DIP2C: variants seen among roughly 807,000 people sequenced by gnomAD.
DIP2C encodes DIP2 acetate--CoA ligase C (putative), also known as disco-interacting protein 2 homolog C.
Under a neutral mutation model 192.4 loss-of-function variants are expected in DIP2C, and 33 were observed. The ratio of observed to expected loss-of-function variants is 0.17; its 90% confidence interval spans 0.13 to 0.23. DIP2C has a LOEUF of 0.23. DIP2C is among the 10% of genes least tolerant of loss of function. The pLI, the probability that DIP2C is intolerant of heterozygous loss-of-function variation, is 1.00. For missense variants in DIP2C, 1,537 were observed against 2,110.1 expected, an observed-to-expected ratio of 0.73 and a Z score of 5.32; for synonymous variants, 979 against 864.1, an observed-to-expected ratio of 1.13 and a Z score of -2.33.
intron 31 of DIP2C, among the ~76,000 whole-genome samples, chr10:313,981 T>A (rs12268902): frequency 6.6e-6 from 1 of 152,122 alleles, no homozygotes; most frequent in African/African-American, 2.4e-5. Flanking sequence ...TAGAAATGTG[T>A]GAAAGAACGA....
At chr10:600,622 T>C (rs1852006602) in intron 1 of DIP2C, among the ~76,000 whole-genome samples, 1 of 147,166 alleles carries the variant, frequency 6.8e-6, no homozygotes. Flanking sequence ...TTCCGGATGC[T>C]CCTCAATGAC....
At chr10:619,834 G>T (rs540147593) in intron 1 of DIP2C, among the ~76,000 whole-genome samples, 4 of 152,168 alleles carry the variant, frequency 2.6e-5, no homozygotes, top group African/African-American at 9.7e-5. Flanking sequence ...CAGCTCCCGT[G>T]TTGGGAGGCA....
chr10:414,731 G>GTT (rs1469907667), intron 7 of DIP2C, among the ~76,000 whole-genome samples: 1 of 63,824 alleles, frequency 1.6e-5, no homozygotes, highest in Admixed American at 1.8e-4. Flanking sequence ...GTGTGTGTGT[G>GTT]TGTGTGTGTA....
intron 31 of DIP2C, 32 bp from the exon 32 acceptor site, chr10:310,124 T>C: frequency 6.2e-7 from 1 of 1,601,482 alleles, no homozygotes; most frequent in Non-Finnish European, 8.6e-7. Flanking sequence ...TTAACTCAAG[T>C]TTACATGGAG....
rs538249410 is a variant in DIP2C at position 528,228 on chromosome 10, T to C, written c.86-41698A>G. Among the ~76,000 whole-genome samples, 4 of 152,276 alleles carry C rather than the reference T, an allele frequency of 2.6e-5. No individual in the cohort carries two copies. The South Asian group carries it at 8.3e-4, about 32-fold the overall frequency. ...ACCTACCCTAGTCAGGAGCCATTCATGCCTTTCACCAAGACATAAAAACAA... is the reference window on the plus strand; with the variant it reads ...ACCTACCCTAGTCAGGAGCCATTCACGCCTTTCACCAAGACATAAAAACAA... On this transcript the variant is annotated intron_variant, in intron 1 of 36. Transcript: ENST00000280886.
At chr10:635,760 C>A (rs1854793050) in intron 1 of DIP2C, among the ~76,000 whole-genome samples, 1 of 152,212 alleles carries the variant, frequency 6.6e-6, no homozygotes. Flanking sequence ...GACCTCGAGG[C>A]CCTGCAGTCA....
At chr10:337,202 CTGTG>C in intron 29 of DIP2C, among the ~76,000 whole-genome samples, 1 of 63,414 alleles carries the variant, frequency 1.6e-5, no homozygotes, top group African/African-American at 6.0e-5. Context: ...AGGCAGCTGT[CTGTG>C]TGTGCAAGTG....
At chr10:488,714 C>T (rs1844200051) in intron 1 of DIP2C, among the ~76,000 whole-genome samples, 1 of 152,234 alleles carries the variant, frequency 6.6e-6, no homozygotes, top group South Asian at 2.1e-4. Flanking sequence ...TGGATGACGC[C>T]TCTGGGTACC....
intron 1 of DIP2C, among the ~76,000 whole-genome samples, chr10:496,216 C>A (rs1844821780): frequency 6.9e-6 from 1 of 145,154 alleles, no homozygotes; most frequent in Non-Finnish European, 1.5e-5. Context: ...ACTCTTAATA[C>A]CCCAAACAAC....
At chr10:670,276 A>G (rs1830560609) in intron 1 of DIP2C, among the ~76,000 whole-genome samples, 1 of 142,428 alleles carries the variant, frequency 7.0e-6, no homozygotes, top group East Asian at 2.1e-4. Context: ...ACGCATGCAT[A>G]TACACACGTA....
At chr10:474,980 C>T (rs1038961662) in intron 2 of DIP2C, among the ~76,000 whole-genome samples, 4 of 152,104 alleles carry the variant, frequency 2.6e-5, no homozygotes, top group Admixed American at 6.6e-5. Flanking sequence ...TTTCTTCTCA[C>T]GGGGGCACAC....
chr10:344,741 G>GT (rs1251819012), intron 28 of DIP2C, 68 bp downstream of exon 28: 7 of 1,354,538 alleles, frequency 5.2e-6, no homozygotes, highest in Non-Finnish European at 7.2e-6. Context: ...GAGCCAGCAC[G>GT]TGACCTGCCA....
At chr10:568,798 A>AAAAAAAAAAAT (rs1564208393) in intron 1 of DIP2C, among the ~76,000 whole-genome samples, 1 of 75,812 alleles carries the variant, frequency 1.3e-5, no homozygotes, top group Non-Finnish European at 2.4e-5. Context: ...AAAAAAAAAA[A>AAAAAAAAAAAT]CCTTCACTTG....
chr10:540,859 C>T (rs1001056929), intron 1 of DIP2C, among the ~76,000 whole-genome samples: 1 of 152,174 alleles, frequency 6.6e-6, no homozygotes, highest in Non-Finnish European at 1.5e-5. Flanking sequence ...TAAAGTCTTT[C>T]AAGGGTTTTG....
chr10:673,823 C>G (rs1156592559), intron 1 of DIP2C, among the ~76,000 whole-genome samples: 2 of 152,208 alleles, frequency 1.3e-5, no homozygotes, highest in Non-Finnish European at 2.9e-5. Context: ...TCTCCTGCCC[C>G]AGGTGCGTGG....
At chr10:484,688 C>T in intron 2 of DIP2C, 1 of 1,473,400 alleles carries the variant, frequency 6.8e-7, no homozygotes, top group Non-Finnish European at 9.0e-7. Context: ...CAAGGCCACA[C>T]CCTACACGTC....
At chr10:458,814 T>G (rs1969517598) in intron 3 of DIP2C, among the ~76,000 whole-genome samples, 2 of 152,204 alleles carry the variant, frequency 1.3e-5, no homozygotes, top group African/African-American at 4.8e-5. Flanking sequence ...TCTACATTCC[T>G]GACTCACCGG....
At chr10:610,658 G>A (rs1396270967) in intron 1 of DIP2C, among the ~76,000 whole-genome samples, 1 of 152,264 alleles carries the variant, frequency 6.6e-6, no homozygotes, top group East Asian at 1.9e-4. Context: ...TGGTGTGGCT[G>A]TGTGTCCCCA....
intron 1 of DIP2C, chr10:662,017 GC>G: frequency 1.4e-6 from 1 of 714,610 alleles, no homozygotes. Flanking sequence ...CATGGCGAGT[GC>G]CCCGCAGGAG....
Sources: gnomAD v4.1 joint callset for allele counts (sites outside exome capture counted in the v4.1 genomes callset) on GRCh38, gnomAD v4.1.1 for gene constraint, MANE v1.5 for transcripts, NCBI Gene and HGNC (gene_info 2026-07-23, HGNC 2026-07-21) for gene names.